Variants in STK32A observed in about 807,000 individuals in gnomAD.
STK32A encodes the protein serine/threonine-protein kinase 32A.
In STK32A, 41 loss-of-function variants were observed where a neutral mutation model predicts 53.2. The ratio of observed to expected loss-of-function variants is 0.77; its 90% CI spans 0.60 to 1.00. The LOEUF (loss-of-function observed/expected upper bound fraction) is 1.00. Ranked by LOEUF, STK32A falls within the 50% of genes least tolerant of loss-of-function variation. STK32A has a pLI of 0.00. For missense variants in STK32A, 458 were observed against 485.8 expected (o/e 0.94, Z 0.54); for synonymous variants, 166 against 162.8 (o/e 1.02, Z -0.15).
intron 4 of STK32A, among the ~76,000 whole-genome samples, chr5:147,309,402 G>A (rs1465903504): frequency 6.6e-6 from 1 of 152,072 alleles, no homozygotes; most frequent in Non-Finnish European, 1.5e-5. Context: ...AATTAGAATA[G>A]GATTTTCTAA....
intron 2 of STK32A, among the ~76,000 whole-genome samples, chr5:147,276,364 G>T (rs376136918): frequency 1.3e-5 from 2 of 152,168 alleles, no homozygotes; most frequent in Admixed American, 6.5e-5. Flanking sequence ...TACATTTGAG[G>T]CATTTCTGGT....
rs62377685 is a variant in STK32A, at chr5:147,264,297, G to A, written c.53-13827G>A. Among the ~76,000 whole-genome samples, 1,189 of 152,294 alleles carry A rather than the reference G, an allele frequency of 7.8e-3. 7 individuals carry two copies. Among genetic ancestry groups the A allele is most frequent in the Non-Finnish European group, 0.012 (828 of 68,028 alleles). On this transcript the variant is annotated intron_variant, in intron 2 of 12. Transcript: ENST00000397936. ...CAGGGTGATGGTGAAGGGAATCCCAGGAAGACAGCTGTGCAGGAATAGAGA... is the reference window on the plus strand; with the variant it reads ...CAGGGTGATGGTGAAGGGAATCCCAAGAAGACAGCTGTGCAGGAATAGAGA...
downstream of STK32A, among the ~76,000 whole-genome samples, chr5:147,389,926 C>G (rs141534427): frequency 5.6e-3 from 859 of 152,302 alleles, 10 homozygotes; most frequent in African/African-American, 0.02. Context: ...TGAAGGCACA[C>G]AGGGCCGAAG....
At chr5:147,304,562 G>A (rs879018195) in intron 4 of STK32A, among the ~76,000 whole-genome samples, 4 of 152,150 alleles carry the variant, frequency 2.6e-5, no homozygotes, top group Admixed American at 2.6e-4. Flanking sequence ...CTTGAAGGGA[G>A]CACCTTGGGA....
intron 4 of STK32A, among the ~76,000 whole-genome samples, chr5:147,280,208 T>C (rs1255123480): frequency 6.6e-6 from 1 of 151,958 alleles, no homozygotes; most frequent in Non-Finnish European, 1.5e-5. Flanking sequence ...AGCAAATCTC[T>C]AGCTGAACTT....
At chr5:147,366,403 C>T (rs1756747433) in intron 8 of STK32A, among the ~76,000 whole-genome samples, 1 of 152,060 alleles carries the variant, frequency 6.6e-6, no homozygotes, top group Admixed American at 6.6e-5. Context: ...TCTTTATAGC[C>T]AAGTATTTTG....
At chr5:147,377,258 G>A (rs997008581) in intron 11 of STK32A, among the ~76,000 whole-genome samples, 1 of 151,832 alleles carries the variant, frequency 6.6e-6, no homozygotes, top group Admixed American at 6.6e-5. Context: ...TTTTCCTTCT[G>A]TTATTGATTC....
intron 4 of STK32A, among the ~76,000 whole-genome samples, chr5:147,323,314 C>T (rs1362052692): frequency 6.6e-6 from 1 of 152,210 alleles, no homozygotes. Context: ...TTTTACCTCT[C>T]CTGAGAAGCT....
intron 10 of STK32A, 29 bp from the exon 11 acceptor site, chr5:147,375,061 G>C (rs932474697): frequency 6.3e-7 from 1 of 1,578,816 alleles, no homozygotes; most frequent in Non-Finnish European, 8.6e-7. Context: ...ACAGTAATCT[G>C]AGGATTGAGC....
intron 2 of STK32A, among the ~76,000 whole-genome samples, chr5:147,251,802 T>G (rs1185314683): frequency 2.0e-5 from 3 of 152,238 alleles, no homozygotes; most frequent in Admixed American, 1.3e-4. Flanking sequence ...TTTTCTTCCC[T>G]GGAGTTAATC....
At chr5:147,278,050 C>A in intron 2 of STK32A, 74 bp from the exon 3 acceptor site, 1 of 1,281,498 alleles carries the variant, frequency 7.8e-7, no homozygotes, top group Non-Finnish European at 1.1e-6. Context: ...CAGTTTAGTC[C>A]AATCTTTATT....
chr5:147,347,596 A>T (rs899064973), intron 6 of STK32A, among the ~76,000 whole-genome samples: 2 of 152,128 alleles, frequency 1.3e-5, no homozygotes, highest in African/African-American at 4.8e-5. Context: ...CACTACAAAA[A>T]ATTATCAGGT....
At chr5:147,248,164 A>G (rs1297380192) in intron 2 of STK32A, among the ~76,000 whole-genome samples, 2 of 151,198 alleles carry the variant, frequency 1.3e-5, no homozygotes, top group African/African-American at 2.4e-5. Context: ...TTCTTAGTTC[A>G]TGAGCTATAC....
chr5:147,260,765 G>A (rs538449509), intron 2 of STK32A, among the ~76,000 whole-genome samples: 3 of 152,250 alleles, frequency 2.0e-5, no homozygotes, highest in South Asian at 4.1e-4. Context: ...GGCCCATGGC[G>A]GGATACGCCC....
At chr5:147,356,823 G>A (rs1036242221) in intron 7 of STK32A, among the ~76,000 whole-genome samples, 2 of 152,040 alleles carry the variant, frequency 1.3e-5, no homozygotes, top group Admixed American at 6.5e-5. Flanking sequence ...AAATTGAAAT[G>A]CAGAACACTT....
At chr5:147,390,252 G>A (rs1021913099), downstream of STK32A, among the ~76,000 whole-genome samples, 1 of 152,082 alleles carries the variant, frequency 6.6e-6, no homozygotes, top group African/African-American at 2.4e-5. Flanking sequence ...CCTTTATCAC[G>A]GGATTTCTCA....
At chr5:147,326,778 G>C (rs1305456105) in intron 5 of STK32A, among the ~76,000 whole-genome samples, 1 of 152,110 alleles carries the variant, frequency 6.6e-6, no homozygotes, top group Non-Finnish European at 1.5e-5. Flanking sequence ...AGCTAAAGAG[G>C]ATGCTATTAA....
intron 2 of STK32A, among the ~76,000 whole-genome samples, chr5:147,259,516 G>C (rs1363181176): frequency 6.7e-6 from 1 of 149,002 alleles, no homozygotes; most frequent in Non-Finnish European, 1.5e-5. Flanking sequence ...TCGATTATCA[G>C]TTATAGGTTT....
chr5:147,301,327 T>C (rs180746575), intron 4 of STK32A, among the ~76,000 whole-genome samples: 45 of 152,182 alleles, frequency 3.0e-4, no homozygotes, highest in Admixed American at 9.2e-4. Flanking sequence ...ACAAATCATC[T>C]CCATGAAAGG....
Sources: gnomAD v4.1 joint callset for allele counts (sites outside exome capture counted in the v4.1 genomes callset) on GRCh38, gnomAD v4.1.1 for gene constraint, MANE v1.5 for transcripts, NCBI Gene and HGNC (gene_info 2026-07-23, HGNC 2026-07-21) for gene names.